Variants in FNBP1L observed in about 807,000 individuals in gnomAD.
FNBP1L encodes formin binding protein 1 like, also known as formin-binding protein 1-like.
A neutral mutation model predicts 91.2 loss-of-function variants in FNBP1L; 36 were observed. That is an observed-to-expected ratio of 0.39 (90% CI 0.30 to 0.52). The LOEUF is 0.52. Ranked by LOEUF, FNBP1L falls within the 20% of genes least tolerant of loss-of-function variation. The pLI is 0.66. For synonymous variants in FNBP1L, 242 were observed against 237.0 expected (o/e 1.02, Z -0.19); for missense variants, 571 against 732.1 (o/e 0.78, Z 2.54).
chr1:93,535,660 C>A (rs1303623430), intron 9 of FNBP1L, among the ~76,000 whole-genome samples: 1 of 151,910 alleles, frequency 6.6e-6, no homozygotes, highest in African/African-American at 2.4e-5. Context: ...AAATTTAACT[C>A]ATTATAATAT....
intron 5 of FNBP1L, among the ~76,000 whole-genome samples, chr1:93,526,061 TAAAAATTGAGGAA>T (rs1408436478): frequency 2.6e-5 from 4 of 151,998 alleles, no homozygotes; most frequent in African/African-American, 9.7e-5. Flanking sequence ...GACAGGGTAT[TAAAAATTGAGGAA>T]AAAAATTAAA....
chr1:93,526,377 T>TC (rs2101753700), intron 5 of FNBP1L, among the ~76,000 whole-genome samples: 1 of 152,308 alleles, frequency 6.6e-6, no homozygotes, highest in Non-Finnish European at 1.5e-5. Context: ...GCTCTTTTCC[T>TC]CAGCCATGTC....
intron 1 of FNBP1L, among the ~76,000 whole-genome samples, chr1:93,460,063 G>A (rs1353304167): frequency 6.6e-6 from 1 of 151,858 alleles, no homozygotes; most frequent in Non-Finnish European, 1.5e-5. Context: ...GCTCCAATGA[G>A]CATTTCCTTT....
At position 93,461,751 on chromosome 1, in the gene FNBP1L, C is replaced by CT. The variant is rs1668873619; in HGVS notation, c.24+13447dup. 1.3e-5 allele frequency among the ~76,000 whole-genome samples: 2 copies of CT among 152,178 alleles called. 1 individual carries two copies. The highest frequency in any genetic ancestry group is 4.1e-4 in the South Asian group (2 of 4,828). On this transcript the variant is annotated intron_variant, in intron 1 of 16. Coordinates refer to ENST00000271234, the MANE Select transcript of FNBP1L (RefSeq NM_001164473.3). ...TGCCAAAGCAAAGAATATAAGATCT[C>CT]TGTCTCCAAGGAATTAATGATGGCT...
At chr1:93,529,270 CTATGT>C (rs1487343819) in intron 5 of FNBP1L, among the ~76,000 whole-genome samples, 1 of 151,882 alleles carries the variant, frequency 6.6e-6, no homozygotes, top group African/African-American at 2.4e-5. Context: ...TCAGTCATGC[CTATGT>C]TATTTTTCCT....
chr1:93,460,785 A>G (rs1469386280), intron 1 of FNBP1L, among the ~76,000 whole-genome samples: 2 of 152,328 alleles, frequency 1.3e-5, no homozygotes, highest in East Asian at 3.9e-4. Flanking sequence ...TGTGGGGAGA[A>G]GTGGGGAGAT....
chr1:93,491,273 C>G (rs1257665196), intron 1 of FNBP1L, among the ~76,000 whole-genome samples: 1 of 152,100 alleles, frequency 6.6e-6, no homozygotes, highest in Non-Finnish European at 1.5e-5. Context: ...TAAAAACTTT[C>G]TACTTTATAT....
At position 93,522,570 on chromosome 1, in the gene FNBP1L, T is replaced by A. The variant is rs897221621; in HGVS notation, c.194+435T>A. ...AAATTAAAAGGTTAGAAATCACTTA[T>A]GAGTTTTTTTGTGGTCTTAAAGAGG... On this transcript the variant is annotated intron_variant, in intron 3 of 16. Transcript: ENST00000271234. 4.8e-4 allele frequency among the ~76,000 whole-genome samples: 5 copies of A among 10,432 alleles called. 1 individual carries two copies. The highest frequency in any genetic ancestry group is 8.2e-3 in the Non-Finnish European group (1 of 122). 6.8% of individuals were successfully genotyped at this position (10,432 alleles called of 152,430 possible).
intron 1 of FNBP1L, among the ~76,000 whole-genome samples, chr1:93,468,732 G>A (rs1214300429): frequency 6.6e-6 from 1 of 152,058 alleles, no homozygotes; most frequent in Non-Finnish European, 1.5e-5. Context: ...CACCTGGCCC[G>A]ATGGACAAGT....
At chr1:93,501,230 G>A (rs540132341) in intron 2 of FNBP1L, among the ~76,000 whole-genome samples, 1 of 152,056 alleles carries the variant, frequency 6.6e-6, no homozygotes, top group Non-Finnish European at 1.5e-5. Flanking sequence ...AAACAATAAA[G>A]GAAAAGGTTT....
intron 13 of FNBP1L, among the ~76,000 whole-genome samples, 162 bp from the exon 14 acceptor site, chr1:93,547,185 A>T (rs1036962279): frequency 1.1e-4 from 17 of 152,084 alleles, no homozygotes; most frequent in Non-Finnish European, 1.5e-4. Context: ...TATTTTTTTG[A>T]ATCAGCTATA....
At chr1:93,476,902 T>A (rs1669517322) in intron 1 of FNBP1L, among the ~76,000 whole-genome samples, 1 of 152,190 alleles carries the variant, frequency 6.6e-6, no homozygotes, top group African/African-American at 2.4e-5. Context: ...CGTTTAATCC[T>A]TCCAGTCATT....
chr1:93,509,541 C>T (rs1477493647), intron 2 of FNBP1L, among the ~76,000 whole-genome samples: 4 of 152,172 alleles, frequency 2.6e-5, no homozygotes, highest in East Asian at 3.8e-4. Flanking sequence ...AAAACGTGTC[C>T]CCTACAGACT....
At chr1:93,482,670 A>G (rs1669751178) in intron 1 of FNBP1L, among the ~76,000 whole-genome samples, 1 of 152,130 alleles carries the variant, frequency 6.6e-6, no homozygotes, top group Admixed American at 6.5e-5. Flanking sequence ...AGGCAGGCAG[A>G]TTGCTTGAGC....
In FNBP1L at chr1:93,551,087, CTA is replaced by C. The variant is rs765259336; in HGVS notation, c.1793_1794del (p.Leu598ArgfsTer5). 6.2e-7 allele frequency: 1 copy of C among 1,608,330 alleles called. No individual in the cohort carries two copies. The highest frequency in any genetic ancestry group is 1.1e-5 in the South Asian group (1 of 90,266). On this transcript the variant is annotated frameshift_variant, in exon 16 of 17. Coordinates refer to ENST00000271234, the MANE Select transcript of FNBP1L (RefSeq NM_001164473.3). LOFTEE classifies it high-confidence loss of function. ...YVPTSYIDVT[L>X]EKNSKGS ...TCCCACGTCATACATAGATGTAACTCTAGAGAAAAACAGTAAAGGTGCAGTAA... is the reference window on the plus strand; with the variant it reads ...TCCCACGTCATACATAGATGTAACTCGAGAAAAACAGTAAAGGTGCAGTAA...
At chr1:93,541,013 T>A in intron 10 of FNBP1L, 29 bp from the exon 11 acceptor site, 3 of 1,535,034 alleles carry the variant, frequency 2.0e-6, no homozygotes, top group Non-Finnish European at 2.6e-6. Flanking sequence ...AATTTACCAT[T>A]TCTTTCTGTT....
At chr1:93,486,353 A>T (rs1669902765) in intron 1 of FNBP1L, among the ~76,000 whole-genome samples, 1 of 152,174 alleles carries the variant, frequency 6.6e-6, no homozygotes, top group Admixed American at 6.5e-5. Context: ...TAGTTATTAG[A>T]GTTTCAGATG....
intron 11 of FNBP1L, among the ~76,000 whole-genome samples, chr1:93,541,950 A>G (rs1672059861): frequency 6.6e-6 from 1 of 152,128 alleles, no homozygotes. Flanking sequence ...GATAAGTGGA[A>G]TTCTGGCAGA....
intron 9 of FNBP1L, 43 bp downstream of exon 9, chr1:93,534,951 A>G (rs1671796828): frequency 1.4e-6 from 2 of 1,460,766 alleles, no homozygotes; most frequent in South Asian, 2.5e-5. Context: ...GTTTAAGTGT[A>G]CCAACTAAAA....
Sources: allele counts gnomAD v4.1 joint callset (sites outside exome capture counted in the v4.1 genomes callset), GRCh38; gene constraint gnomAD v4.1.1; transcripts MANE v1.5; gene names NCBI Gene and HGNC (gene_info 2026-07-23, HGNC 2026-07-21).